The following UGT1A8 variants were observed in gnomAD, a reference collection of about 807,000 sequenced individuals.
The protein encoded by UGT1A8 is UDP-glucuronosyltransferase 1A8.
In UGT1A8, 39 loss-of-function variants were observed where a neutral mutation model predicts 45.3. The ratio of observed to expected loss-of-function variants is 0.86; its 90% CI spans 0.67 to 1.12. The LOEUF (loss-of-function observed/expected upper bound fraction) is 1.12, where lower values mean the gene tolerates loss of function less well. Ranked by LOEUF, UGT1A8 falls within the 50% of genes most tolerant of loss-of-function variation. UGT1A8 has a pLI of 0.00. For missense variants in UGT1A8, 719 were observed against 664.9 expected, an observed-to-expected ratio of 1.08 and a Z score of -0.90; for synonymous variants, 275 against 249.2, an observed-to-expected ratio of 1.10 and a Z score of -0.97.
intron 1 of UGT1A8, chr2:233,747,285 C>T: frequency 6.2e-7 from 1 of 1,601,074 alleles, no homozygotes. Flanking sequence ...GTGCCCAGCC[C>T]TGGGCTGAGA....
At chr2:233,640,517 A>G (rs1283234451) in intron 1 of UGT1A8, among the ~76,000 whole-genome samples, 2 of 152,212 alleles carry the variant, frequency 1.3e-5, no homozygotes, top group South Asian at 2.1e-4. Context: ...ATTGCCTCAT[A>G]CAACATCTTT....
intron 1 of UGT1A8, among the ~76,000 whole-genome samples, chr2:233,637,530 T>C (rs1187570593): frequency 1.3e-5 from 2 of 152,236 alleles, no homozygotes; most frequent in African/African-American, 4.8e-5. Flanking sequence ...CATGTACTCA[T>C]CAATTATCAA....
intron 1 of UGT1A8, among the ~76,000 whole-genome samples, chr2:233,696,065 A>C (rs189342937): frequency 1.3e-5 from 2 of 152,234 alleles, no homozygotes; most frequent in African/African-American, 4.8e-5. Flanking sequence ...TAGTACAGCC[A>C]CTATGAAGAA....
At chr2:233,643,229 T>G (rs888420877) in intron 1 of UGT1A8, among the ~76,000 whole-genome samples, 1 of 152,170 alleles carries the variant, frequency 6.6e-6, no homozygotes, top group Non-Finnish European at 1.5e-5. Context: ...CACCTGGTAT[T>G]TTATTGTATT....
intron 1 of UGT1A8, among the ~76,000 whole-genome samples, chr2:233,681,313 T>A (rs2074518201): frequency 6.6e-6 from 1 of 151,918 alleles, no homozygotes; most frequent in African/African-American, 2.4e-5. Context: ...ATGGGCAGAT[T>A]GCCTGAGCTC....
At position 233,747,622 on chromosome 2, in the gene UGT1A8, T is replaced by C. The variant is rs1257068913; in HGVS notation, c.856-19412T>C. On this transcript the variant is annotated intron_variant, in intron 1 of 4. Coordinates refer to ENST00000373450, the MANE Select transcript of UGT1A8 (RefSeq NM_019076.5). ...GTGGAGCTACTGCATAATGAGGCCC[T>C]GATCAGGCACCTGAATGCTACTTCC... The C allele has an allele frequency of 4.4e-6, 7 of 1,577,454 alleles. No individual in the cohort carries two copies. The African/African-American group carries it at 8.2e-5, about 18-fold the overall frequency.
chr2:233,628,532 A>T (rs1204545979), intron 1 of UGT1A8, among the ~76,000 whole-genome samples: 5 of 152,106 alleles, frequency 3.3e-5, no homozygotes, highest in African/African-American at 1.2e-4. Context: ...TATTATTCCT[A>T]CATAGATAAA....
Position 233,773,101 on chromosome 2 carries a change from T to A in UGT1A8, c.*542T>A, listed in dbSNP as rs1321886255. On this transcript the variant is annotated 3_prime_UTR_variant, in exon 5 of 5. Coordinates refer to ENST00000373450, the MANE Select transcript of UGT1A8 (RefSeq NM_019076.5). ...GGCTTGGAGTGCACTGAGAACAGCA[T>A]ATGATTTCTTGCTTTGGGGAAAAAG... is the stretch of plus-strand genomic sequence containing the variant. The A allele has an allele frequency of 6.4e-6, 1 of 156,412 alleles. No homozygotes were observed. The highest frequency in any genetic ancestry group is 2.4e-5 in the African/African-American group (1 of 41,460). The allele number at this position is 156,412 out of a possible 1,614,324, so 9.7% of individuals were successfully genotyped here.
At chr2:233,710,922 T>C (rs2076154215) in intron 1 of UGT1A8, among the ~76,000 whole-genome samples, 1 of 152,228 alleles carries the variant, frequency 6.6e-6, no homozygotes, top group Non-Finnish European at 1.5e-5. Context: ...TTAGACCACT[T>C]AGTCTTTGTT....
At position 233,624,972 on chromosome 2, in the gene UGT1A8, T is replaced by C. The variant is rs542762160; in HGVS notation, c.855+6410T>C. ...AGTTGACCCCTGAACAATGTGGGAA[T>C]GAAGGGGACCAACCCGTGTGAAGTA... On this transcript the variant is annotated intron_variant, in intron 1 of 4. Coordinates refer to ENST00000373450, the MANE Select transcript of UGT1A8 (RefSeq NM_019076.5). Among the ~76,000 whole-genome samples, 13 of 152,230 alleles carry C rather than the reference T, an allele frequency of 8.5e-5. No homozygotes were observed. In the South Asian group the frequency reaches 2.7e-3, roughly 32 times the overall value.
chr2:233,684,037 C>T (rs45511895), intron 1 of UGT1A8, among the ~76,000 whole-genome samples: 4 of 152,108 alleles, frequency 2.6e-5, no homozygotes, highest in African/African-American at 9.7e-5. Flanking sequence ...GTTGCTAAAT[C>T]CAGGTGAAAC....
At chr2:233,657,033 C>T (rs1362822606) in intron 1 of UGT1A8, among the ~76,000 whole-genome samples, 2 of 151,928 alleles carry the variant, frequency 1.3e-5, no homozygotes, top group Admixed American at 1.3e-4. Context: ...TCCCTGGTGT[C>T]AGTTACTGCT....
chr2:233,759,820 G>A (rs554010923), intron 1 of UGT1A8, among the ~76,000 whole-genome samples: 9 of 152,316 alleles, frequency 5.9e-5, no homozygotes, highest in East Asian at 1.9e-4. Context: ...AGTACCGGGG[G>A]AGCTGTGGAG....
At chr2:233,748,838 CTG>C (rs774126450) in intron 1 of UGT1A8, among the ~76,000 whole-genome samples, 8 of 151,472 alleles carry the variant, frequency 5.3e-5, no homozygotes, top group African/African-American at 2.0e-4. Flanking sequence ...GGAGATAAAA[CTG>C]TGAGCGTATA....
chr2:233,674,089 A>G (rs996828384), intron 1 of UGT1A8, among the ~76,000 whole-genome samples: 1 of 151,412 alleles, frequency 6.6e-6, no homozygotes, highest in Admixed American at 6.6e-5. Flanking sequence ...TCAGTATATT[A>G]TTTTGGAGGG....
At chr2:233,650,473 A>G (rs1294948501) in intron 1 of UGT1A8, among the ~76,000 whole-genome samples, 2 of 152,222 alleles carry the variant, frequency 1.3e-5, no homozygotes, top group Admixed American at 1.3e-4. Flanking sequence ...TTCTTCAGTT[A>G]GAGCATGAGC....
chr2:233,682,020 T>A (rs1434831582), intron 1 of UGT1A8: 2 of 1,614,134 alleles, frequency 1.2e-6, no homozygotes. Flanking sequence ...GCAGGGAAGC[T>A]GCTGGTAGTG....
intron 1 of UGT1A8, among the ~76,000 whole-genome samples, chr2:233,724,278 G>C (rs1355966734): frequency 3.9e-5 from 5 of 129,306 alleles, no homozygotes; most frequent in East Asian, 2.5e-4. Flanking sequence ...GCGGCTGGCC[G>C]GGCGGGGGGC....
intron 1 of UGT1A8, among the ~76,000 whole-genome samples, chr2:233,737,011 AG>A (rs2078834177): frequency 1.3e-5 from 2 of 152,192 alleles, no homozygotes; most frequent in Non-Finnish European, 2.9e-5. Context: ...CCGCTTGAGG[AG>A]GCAGTCTGTC....
Sources: allele counts gnomAD v4.1 joint callset (sites outside exome capture counted in the v4.1 genomes callset), GRCh38; gene constraint gnomAD v4.1.1; transcripts MANE v1.5; gene names NCBI Gene and HGNC (gene_info 2026-07-23, HGNC 2026-07-21).